ZFAND3: variants seen among roughly 807,000 people sequenced by gnomAD.
The protein encoded by ZFAND3 is zinc finger AN1-type containing 3, also known as AN1-type zinc finger protein 3.
ZFAND3 carries 10 observed loss-of-function variants against 29.6 expected under a neutral mutation model. That is an observed-to-expected ratio of 0.34 (90% CI 0.21 to 0.57). The LOEUF (loss-of-function observed/expected upper bound fraction) is 0.57, where lower values mean the gene tolerates loss of function less well. ZFAND3 is among the 20% of genes least tolerant of loss of function. The probability of loss-of-function intolerance (pLI) is 0.86; values close to 1 mark genes in which losing one functional copy is unlikely to be tolerated. For synonymous variants in ZFAND3, 128 were observed against 112.6 expected, an observed-to-expected ratio of 1.14 and a Z score of -0.87; for missense variants, 230 against 304.5, an observed-to-expected ratio of 0.76 and a Z score of 1.82.
chr6:37,895,364 C>T (rs915900366), intron 1 of ZFAND3, among the ~76,000 whole-genome samples: 3 of 149,810 alleles, frequency 2.0e-5, no homozygotes, highest in Non-Finnish European at 3.0e-5. Flanking sequence ...GACGGAGTTT[C>T]GCTCTTGTTG....
chr6:38,115,173 T>G (rs748821740), intron 4 of ZFAND3, among the ~76,000 whole-genome samples: 1 of 152,206 alleles, frequency 6.6e-6, no homozygotes, highest in Non-Finnish European at 1.5e-5. Flanking sequence ...CAAACTACCA[T>G]CATCACCATC....
intron 4 of ZFAND3, among the ~76,000 whole-genome samples, chr6:38,093,551 A>G (rs1366347672): frequency 6.6e-6 from 1 of 152,152 alleles, no homozygotes; most frequent in Non-Finnish European, 1.5e-5. Context: ...CAGGAAAGAG[A>G]AAGAGGAGCC....
intron 2 of ZFAND3, among the ~76,000 whole-genome samples, chr6:37,987,790 G>A (rs1187264461): frequency 2.6e-5 from 4 of 152,208 alleles, no homozygotes; most frequent in African/African-American, 7.2e-5. Context: ...CTCCTCACTG[G>A]AAAGTGGCAC....
At chr6:38,044,560 T>C (rs1199347287) in intron 2 of ZFAND3, among the ~76,000 whole-genome samples, 1 of 152,212 alleles carries the variant, frequency 6.6e-6, no homozygotes, top group Non-Finnish European at 1.5e-5. Flanking sequence ...ATTTTCCTTG[T>C]CGCTCTTAGT....
chr6:37,949,014 T>C (rs1761949297), intron 2 of ZFAND3, among the ~76,000 whole-genome samples: 1 of 152,232 alleles, frequency 6.6e-6, no homozygotes, highest in African/African-American at 2.4e-5. Flanking sequence ...CTGGGTCAAA[T>C]TGTAGTTCTT....
chr6:38,111,715 G>A (rs1042407467), intron 4 of ZFAND3, among the ~76,000 whole-genome samples: 6 of 152,078 alleles, frequency 3.9e-5, no homozygotes, highest in African/African-American at 1.4e-4. Context: ...TGCAAAATAT[G>A]TGTTAATTGT....
intron 4 of ZFAND3, among the ~76,000 whole-genome samples, chr6:38,093,338 G>A (rs1484417221): frequency 2.0e-5 from 3 of 152,182 alleles, no homozygotes; most frequent in Non-Finnish European, 2.9e-5. Flanking sequence ...AGAACTGAGG[G>A]AAGAAAGATG....
chr6:37,879,223 T>C (rs968119800), intron 1 of ZFAND3, among the ~76,000 whole-genome samples: 2 of 152,238 alleles, frequency 1.3e-5, no homozygotes, highest in South Asian at 2.1e-4. Flanking sequence ...ACCACCATGC[T>C]CAGAACTATC....
At chr6:38,093,407 G>T (rs767897886) in intron 4 of ZFAND3, among the ~76,000 whole-genome samples, 1 of 152,158 alleles carries the variant, frequency 6.6e-6, no homozygotes, top group Non-Finnish European at 1.5e-5. Flanking sequence ...AGTTTCTGAT[G>T]AGTTAAATTA....
intron 2 of ZFAND3, among the ~76,000 whole-genome samples, chr6:37,981,001 A>C (rs1376542222): frequency 1.3e-5 from 2 of 152,242 alleles, no homozygotes; most frequent in South Asian, 4.1e-4. Flanking sequence ...TGCACAAAAA[A>C]GCACAATTGG....
rs532214832 is a variant in ZFAND3 at position 38,092,435 on chromosome 6, G to A, written c.361+9978G>A. 2.6e-5 allele frequency among the ~76,000 whole-genome samples: 4 copies of A among 152,340 alleles called. No individual in the cohort carries two copies. The South Asian group carries it at 8.3e-4, about 32-fold the overall frequency. On this transcript the variant is annotated intron_variant, in intron 4 of 5. Coordinates refer to ENST00000287218, the MANE Select transcript of ZFAND3 (RefSeq NM_021943.3). The stretch of plus-strand genomic sequence containing the variant: ...TTTGCGAGCAAGAGATGTAACTTAT[G>A]TTTATTTCAAAAAGTGAAGAACAGG...
intron 5 of ZFAND3, among the ~76,000 whole-genome samples, chr6:38,146,542 G>A (rs966075418): frequency 6.6e-6 from 1 of 152,196 alleles, no homozygotes; most frequent in Non-Finnish European, 1.5e-5. Flanking sequence ...TTTACTGAAC[G>A]CAACTCAGGC....
chr6:37,993,416 T>G (rs1305418898), intron 2 of ZFAND3, among the ~76,000 whole-genome samples: 2 of 152,122 alleles, frequency 1.3e-5, no homozygotes, highest in Non-Finnish European at 2.9e-5. Context: ...AACCTCCACC[T>G]CCTGGGTCGA....
At chr6:38,079,628 T>C (rs866985973) in intron 3 of ZFAND3, among the ~76,000 whole-genome samples, 6 of 152,206 alleles carry the variant, frequency 3.9e-5, no homozygotes, top group African/African-American at 1.2e-4. Context: ...GGATGAATTA[T>C]TTTATGTGCT....
At chr6:37,982,592 C>T (rs983594091) in intron 2 of ZFAND3, among the ~76,000 whole-genome samples, 1 of 152,086 alleles carries the variant, frequency 6.6e-6, no homozygotes, top group Non-Finnish European at 1.5e-5. Flanking sequence ...TACGATGATG[C>T]TTGTGTAAGT....
At chr6:38,149,371 C>T (rs770156711) in intron 5 of ZFAND3, among the ~76,000 whole-genome samples, 10 of 147,136 alleles carry the variant, frequency 6.8e-5, no homozygotes, top group Non-Finnish European at 1.5e-4. Flanking sequence ...AGGATCGCAC[C>T]ACAGCGCTCC....
chr6:38,067,618 G>T (rs1764372387), intron 3 of ZFAND3, among the ~76,000 whole-genome samples: 1 of 152,190 alleles, frequency 6.6e-6, no homozygotes, highest in African/African-American at 2.4e-5. Context: ...CCAGTTTTTA[G>T]ATTTTTTCTG....
intron 2 of ZFAND3, among the ~76,000 whole-genome samples, chr6:37,985,527 A>ACCCCCC (rs57029796): frequency 1.4e-5 from 2 of 141,656 alleles, no homozygotes; most frequent in Non-Finnish European, 1.6e-5. Context: ...ACACACACAC[A>ACCCCCC]CCCCCACACA....
At chr6:37,872,337 T>A (rs11758035) in intron 1 of ZFAND3, among the ~76,000 whole-genome samples, 9,917 of 152,298 alleles carry the variant, frequency 0.065, 385 homozygotes, top group Non-Finnish European at 0.085. Context: ...GTCCAGAGTT[T>A]ATGGTTTTTA....
Sources: gnomAD v4.1 joint callset for allele counts (sites outside exome capture counted in the v4.1 genomes callset) on GRCh38, gnomAD v4.1.1 for gene constraint, MANE v1.5 for transcripts, NCBI Gene and HGNC (gene_info 2026-07-23, HGNC 2026-07-21) for gene names.